Variants in ABT1 observed in about 807,000 individuals in gnomAD.
ABT1 encodes activator of basal transcription 1.
ABT1 carries 13 observed loss-of-function variants against 14.0 expected under a neutral mutation model. The observed-to-expected ratio is 0.93, with a 90% CI of 0.61 to 1.48. The LOEUF (loss-of-function observed/expected upper bound fraction) is 1.48, where lower values mean the gene tolerates loss of function less well. ABT1 is among the 40% of genes most tolerant of loss of function. ABT1 has a pLI of 0.00. For missense variants in ABT1, 430 were observed against 380.0 expected (o/e 1.13, Z -1.09); for synonymous variants, 165 against 144.6 (o/e 1.14, Z -1.01).
At chr6:26,598,137 C>A in intron 2 of ABT1, 27 bp downstream of exon 2, 1 of 1,590,248 alleles carries the variant, frequency 6.3e-7, no homozygotes, top group Non-Finnish European at 8.6e-7. Flanking sequence ...TTCTGCCACA[C>A]CTCTCACCCT....
Position 26,598,879 on chromosome 6 carries a change from C to G in ABT1, c.*234C>G. 2.2e-6 allele frequency: 1 copy of G among 459,318 alleles called. No individual in the cohort carries two copies. Among genetic ancestry groups the G allele is most frequent in the Non-Finnish European group, 3.7e-6 (1 of 268,448 alleles). The allele number at this position is 459,318 out of a possible 1,614,324, so 28.5% of individuals were successfully genotyped here. ...CATACTAGCATAATTATGACTATTGCATATGCTTGTTTTGTTTGACTCTTG... is the reference window on the plus strand; with the variant it reads ...CATACTAGCATAATTATGACTATTGGATATGCTTGTTTTGTTTGACTCTTG... On this transcript the variant is annotated 3_prime_UTR_variant, in exon 3 of 3. Transcript: ENST00000274849.
In ABT1 at chr6:26,598,627, C is replaced by T. The variant is rs1337116183; in HGVS notation, c.801C>T (p.Ser267=). The T allele has an allele frequency of 2.6e-6, 4 of 1,568,252 alleles. No individual in the cohort carries two copies. The African/African-American group carries it at 5.4e-5, about 21-fold the overall frequency. Residue 267 remains serine (S), a synonymous_variant, in exon 3 of 3, where the codon TCC becomes TCT. Transcript: ENST00000274849. ...PPPSESMEGP[S]LVRDS ...CCTCAGAGAGCATGGAGGGACCTTC[C>T]CTTGTCAGGGACTCCTGAGGGCCTG...
rs1554144933 is a variant in ABT1, at chr6:26,599,888, G to C, written c.*1243G>C. 1 of 152,232 alleles carries C rather than the reference G, an allele frequency of 6.6e-6. No homozygotes were observed. Among genetic ancestry groups the C allele is most frequent in the Non-Finnish European group, 1.5e-5 (1 of 68,062 alleles). The allele number at this position is 152,232 out of a possible 1,614,324, so 9.4% of individuals were successfully genotyped here. On this transcript the variant is annotated 3_prime_UTR_variant, in exon 3 of 3. Transcript: ENST00000274849. ...GTGATAGAGTATGATTATAATTTCT[G>C]TTTGCTTGTGCTGTTTGTTTTTGTT...
chr6:26,597,881 C>A, intron 1 of ABT1, 33 bp from the exon 2 acceptor site: 1 of 1,576,650 alleles, frequency 6.3e-7, no homozygotes, highest in Non-Finnish European at 8.6e-7. Flanking sequence ...GCTGCATAGG[C>A]GTCCTGGACG....
rs782670086 is a variant in ABT1, at chr6:26,598,307, G to A, written c.481G>A (p.Ala161Thr). Residue 161 changes from alanine to threonine, a missense_variant, in exon 3 of 3, where the codon GCC (alanine) becomes ACC (threonine). Coordinates refer to ENST00000274849, the MANE Select transcript of ABT1 (RefSeq NM_013375.4). ...FTWSHLSEHL[A>T]FERQVRRQRL... Reference sequence around the variant, plus strand: ...CTGGTCCCACCTCAGCGAGCACCTCGCCTTTGAGCGCCAGGTGCGCAGGCA... The same window carrying A: ...CTGGTCCCACCTCAGCGAGCACCTCACCTTTGAGCGCCAGGTGCGCAGGCA... 3 of 1,614,140 alleles carry A rather than the reference G, an allele frequency of 1.9e-6. No individual in the cohort carries two copies. Among genetic ancestry groups the A allele is most frequent in the Non-Finnish European group, 2.5e-6 (3 of 1,179,964 alleles).
intron 2 of ABT1, 56 bp from the exon 3 acceptor site, chr6:26,598,209 C>T (rs1383961953): frequency 6.3e-7 from 1 of 1,576,136 alleles, no homozygotes; most frequent in Non-Finnish European, 8.7e-7. Context: ...GTCCCCTTGT[C>T]TCATCTTTCT....
In ABT1 at chr6:26,600,537, G is replaced by A. The variant is rs1425449087; in HGVS notation, c.*1892G>A. ...CTAAGTAAGTCACAGGTGGAGTGAG[G>A]AATGAGAATAAATGGGTGGAAGAAA... On this transcript the variant is annotated 3_prime_UTR_variant, in exon 3 of 3. Transcript: ENST00000274849. 1.3e-5 allele frequency: 2 copies of A among 152,236 alleles called. No individual in the cohort carries two copies. Among genetic ancestry groups the A allele is most frequent in the African/African-American group, 4.8e-5 (2 of 41,458 alleles). 9.4% of individuals were successfully genotyped at this position (152,236 alleles called of 1,614,324 possible). A position where few individuals can be genotyped will look rare whatever the true frequency, so the allele number is the denominator to read the frequency against.
chr6:26,598,772 C>T lies in ABT1; in HGVS notation c.*127C>T. On this transcript the variant is annotated 3_prime_UTR_variant, in exon 3 of 3. Coordinates refer to ENST00000274849, the MANE Select transcript of ABT1 (RefSeq NM_013375.4). ...TCAGACCAAGTGTCTACTGATGGCC[C>T]AAACATGGAGTTTTGTGGGCTTCCA... 1.5e-6 allele frequency: 2 copies of T among 1,291,718 alleles called. No individual in the cohort carries two copies. Among genetic ancestry groups the T allele is most frequent in the Non-Finnish European group, 2.1e-6 (2 of 973,234 alleles). 80.0% of individuals were successfully genotyped at this position (1,291,718 alleles called of 1,614,324 possible).
At position 26,597,133 on chromosome 6, in the gene ABT1, G is replaced by C; in HGVS notation, c.151G>C (p.Gly51Arg). 5 of 1,614,164 alleles carry C rather than the reference G, an allele frequency of 3.1e-6. No individual in the cohort carries two copies. The highest frequency in any genetic ancestry group is 4.2e-6 in the Non-Finnish European group (5 of 1,180,026). The stretch of plus-strand genomic sequence containing the variant: ...GGTAGTGCCAGGTATTGTGTACCTG[G>C]GCCATATCCCGCCGCGCTTCCGGCC... ...KRVVPGIVYLGHIPPRFRPLH... is the reference protein window; with the variant it reads ...KRVVPGIVYLRHIPPRFRPLH... The change falls in exon 1 of 3, where the codon GGC (glycine) becomes CGC (arginine). Residue 51 changes from glycine to arginine, a missense_variant. Coordinates refer to ENST00000274849, the MANE Select transcript of ABT1 (RefSeq NM_013375.4).
At chr6:26,597,875 C>T (rs1222728251) in intron 1 of ABT1, 39 bp from the exon 2 acceptor site, 1 of 1,570,870 alleles carries the variant, frequency 6.4e-7, no homozygotes, top group Non-Finnish European at 8.7e-7. Context: ...GTGAGTGCTG[C>T]ATAGGCGTCC....
rs1764925791 is a variant in ABT1 at position 26,597,999 on chromosome 6, G to A, written c.327G>A (p.Trp109Ter). 1 of 1,614,132 alleles carries A rather than the reference G, an allele frequency of 6.2e-7. No homozygotes were observed. The highest frequency in any genetic ancestry group is 1.3e-5 in the African/African-American group (1 of 74,950). ...ACACCAAGGACTACACCGAGGGATG[G>A]GTGGAGTTCCGTGACAAGCGCATAG... ...RSYTKDYTEG[W>*]VEFRDKRIAK... The change falls in exon 2 of 3, where the codon TGG becomes TGA. Residue 109 changes from tryptophan (W) to a stop codon, truncating the protein, a stop_gained. Coordinates refer to ENST00000274849, the MANE Select transcript of ABT1 (RefSeq NM_013375.4). LOFTEE classifies it high-confidence loss of function.
chr6:26,597,878 A>G (rs781815573), intron 1 of ABT1, 36 bp from the exon 2 acceptor site: 1 of 1,575,004 alleles, frequency 6.3e-7, no homozygotes. Flanking sequence ...AGTGCTGCAT[A>G]GGCGTCCTGG....
Position 26,597,061 on chromosome 6 carries a change from G to A in ABT1, c.79G>A (p.Glu27Lys). 1.2e-6 allele frequency: 2 copies of A among 1,614,016 alleles called. No individual in the cohort carries two copies. Among genetic ancestry groups the A allele is most frequent in the Non-Finnish European group, 1.7e-6 (2 of 1,180,026 alleles). ...EGTEQTLDAE[E>K]EQEESEEAAC... is the part of the protein sequence containing the mutation. ...GACAGAACAGACACTAGATGCGGAG[G>A]AGGAGCAGGAGGAATCCGAAGAAGC... The change falls in exon 1 of 3, where the codon GAG becomes AAG. Residue 27 changes from glutamate to lysine, a missense_variant. By Grantham distance (56) the Glu-to-Lys change is moderately conservative. Transcript: ENST00000274849.
Position 26,598,993 on chromosome 6 carries a change from C to G in ABT1, c.*348C>G, listed in dbSNP as rs1764942819. 4.9e-6 allele frequency: 1 copy of G among 204,660 alleles called. No individual in the cohort carries two copies. The allele number at this position is 204,660 out of a possible 1,614,324, so 12.7% of individuals were successfully genotyped here. A position where few individuals can be genotyped will look rare whatever the true frequency, so the allele number is the denominator to read the frequency against. Reference sequence around the variant, plus strand: ...TCCAACTAGGAGGATAATGCCTAGTCCAGGCAATCTTTCTCTGTTTAGCAG... The same window carrying G: ...TCCAACTAGGAGGATAATGCCTAGTGCAGGCAATCTTTCTCTGTTTAGCAG... On this transcript the variant is annotated 3_prime_UTR_variant, in exon 3 of 3. Transcript: ENST00000274849.
rs1383988127 is a variant in ABT1 at position 26,598,810 on chromosome 6, C to G, written c.*165C>G. ...TTGTGGGCTTCCACTGTCCCCACTC[C>G]GAACTCCTGTATGTGCCTGGCTGAG... On this transcript the variant is annotated 3_prime_UTR_variant, in exon 3 of 3. Transcript: ENST00000274849. The G allele has an allele frequency of 2.3e-5, 19 of 843,918 alleles. No individual in the cohort carries two copies. In the South Asian group the frequency reaches 4.3e-4, roughly 19 times the overall value. The allele number at this position is 843,918 out of a possible 1,614,324, so 52.3% of individuals were successfully genotyped here. A position where few individuals can be genotyped will look rare whatever the true frequency, so the allele number is the denominator to read the frequency against.
chr6:26,597,331 TG>T, intron 1 of ABT1, 108 bp downstream of exon 1: 8 of 1,483,440 alleles, frequency 5.4e-6, no homozygotes, highest in Non-Finnish European at 6.3e-6. Flanking sequence ...CACGAGTTGC[TG>T]GATTTTGGGG....
intron 1 of ABT1, 49 bp downstream of exon 1, chr6:26,597,272 G>C (rs1554144598): frequency 6.3e-7 from 1 of 1,596,808 alleles, no homozygotes; most frequent in African/African-American, 1.3e-5. Context: ...TCGCTCGCTG[G>C]CGGGGTGCAA....
chr6:26,599,215 A>G lies in ABT1; in HGVS notation c.*570A>G, dbSNP rs537913519. On this transcript the variant is annotated 3_prime_UTR_variant, in exon 3 of 3. Transcript: ENST00000274849. ...CATCTTGTGTTCCCTTCACCTTCAT[A>G]TCCTGATCTTAGAGCCCCCCTCCCC... 2 of 152,144 alleles carry G rather than the reference A, an allele frequency of 1.3e-5. No individual in the cohort carries two copies. The highest frequency in any genetic ancestry group is 3.9e-4 in the East Asian group (2 of 5,180). The allele number at this position is 152,144 out of a possible 1,614,324, so 9.4% of individuals were successfully genotyped here.
chr6:26,598,290 AC>A lies in ABT1; in HGVS notation c.466del (p.Leu156SerfsTer16), dbSNP rs782225051. The A allele has an allele frequency of 1.2e-6, 2 of 1,613,748 alleles. No homozygotes were observed. Among genetic ancestry groups the A allele is most frequent in the African/African-American group, 2.7e-5 (2 of 74,926 alleles). ...LKYLHRFTWS[H>X]LSEHLAFERQ... ...TACTTGCACCGTTTCACCTGGTCCC[AC>A]CTCAGCGAGCACCTCGCCTTTGAGC... On this transcript the variant is annotated frameshift_variant, in exon 3 of 3. Transcript: ENST00000274849. LOFTEE classifies it low-confidence loss of function (END_TRUNC).
Sources: allele counts gnomAD v4.1 joint callset, GRCh38; gene constraint gnomAD v4.1.1; transcripts MANE v1.5; gene names NCBI Gene and HGNC (gene_info 2026-07-23, HGNC 2026-07-21).